ANKRD11: variants seen among roughly 807,000 people sequenced by gnomAD.
The protein encoded by ANKRD11 is ankyrin repeat domain-containing protein 11.
Under a neutral mutation model 195.7 loss-of-function variants are expected in ANKRD11, and 17 were observed. The observed-to-expected ratio is 0.09, with a 90% CI of 0.06 to 0.13. ANKRD11 has a LOEUF of 0.13. Ranked by LOEUF, ANKRD11 falls within the 10% of genes least tolerant of loss-of-function variation. The pLI is 1.00. For synonymous variants in ANKRD11, 1,953 were observed against 1,528.1 expected (o/e 1.28, Z -6.49); for missense variants, 3,735 against 3,566.1 (o/e 1.05, Z -1.21).
intron 1 of ANKRD11, among the ~76,000 whole-genome samples, chr16:89,488,845 G>A (rs1368287120): frequency 6.6e-6 from 1 of 152,114 alleles, no homozygotes; most frequent in Admixed American, 6.6e-5. Context: ...AAGAAAGCCT[G>A]AAATCTAATT....
intron 1 of ANKRD11, among the ~76,000 whole-genome samples, chr16:89,456,041 C>A (rs1011129040): frequency 6.6e-6 from 1 of 152,010 alleles, no homozygotes; most frequent in African/African-American, 2.4e-5. Context: ...GAGTTTGAGA[C>A]CAGCCTGGCC....
At chr16:89,392,849 C>T (rs563863133) in intron 2 of ANKRD11, among the ~76,000 whole-genome samples, 3 of 151,204 alleles carry the variant, frequency 2.0e-5, no homozygotes, top group African/African-American at 4.9e-5. Flanking sequence ...TACATTTAAC[C>T]GACTCCATCA....
chr16:89,360,927 C>T (rs533798232), intron 2 of ANKRD11, among the ~76,000 whole-genome samples: 2 of 152,170 alleles, frequency 1.3e-5, no homozygotes, highest in Non-Finnish European at 2.9e-5. Flanking sequence ...CTGCACTGAG[C>T]CTGTGTCGGG....
intron 1 of ANKRD11, among the ~76,000 whole-genome samples, chr16:89,418,836 C>G (rs1484370036): frequency 6.6e-6 from 1 of 151,384 alleles, no homozygotes; most frequent in Non-Finnish European, 1.5e-5. Context: ...GTGATCTCAG[C>G]TCACTGCAAC....
chr16:89,292,138 C>T (rs1263568252), intron 4 of ANKRD11, among the ~76,000 whole-genome samples: 1 of 152,182 alleles, frequency 6.6e-6, no homozygotes, highest in African/African-American at 2.4e-5. Flanking sequence ...AGCGCAGAGG[C>T]AAGGCTCTGC....
chr16:89,392,018 TCCTC>T (rs1292748576), intron 2 of ANKRD11, among the ~76,000 whole-genome samples: 7 of 152,302 alleles, frequency 4.6e-5, no homozygotes, highest in Admixed American at 2.0e-4. Flanking sequence ...ACAAATTACT[TCCTC>T]CTTCCTTTGT....
At chr16:89,374,756 C>T (rs2040347506) in intron 2 of ANKRD11, among the ~76,000 whole-genome samples, 2 of 152,218 alleles carry the variant, frequency 1.3e-5, no homozygotes, top group Admixed American at 6.5e-5. Context: ...AGCTGAAGAA[C>T]TCCATGATGA....
chr16:89,383,130 C>T (rs1018607512), intron 2 of ANKRD11, among the ~76,000 whole-genome samples: 9 of 152,336 alleles, frequency 5.9e-5, no homozygotes, highest in African/African-American at 1.2e-4. Flanking sequence ...CTGGCTCATG[C>T]GGACCCACAG....
chr16:89,416,709 T>C (rs138215783), intron 2 of ANKRD11, among the ~76,000 whole-genome samples: 19 of 151,370 alleles, frequency 1.3e-4, no homozygotes, highest in African/African-American at 3.9e-4. Flanking sequence ...GCAGGAGGAT[T>C]GCTTGAGAGC....
intron 2 of ANKRD11, among the ~76,000 whole-genome samples, chr16:89,339,280 T>G (rs2038538063): frequency 6.6e-6 from 1 of 152,254 alleles, no homozygotes; most frequent in Non-Finnish European, 1.5e-5. Flanking sequence ...TAGAACGACC[T>G]AGAGATGTCT....
chr16:89,470,912 G>C (rs951986492), intron 1 of ANKRD11, among the ~76,000 whole-genome samples: 1 of 152,188 alleles, frequency 6.6e-6, no homozygotes, highest in Non-Finnish European at 1.5e-5. Context: ...AGAGTGGTGT[G>C]AACCTGGGAG....
In ANKRD11 at chr16:89,448,797, GC is replaced by G. The variant is rs1267542005; in HGVS notation, c.-144-30430del. The stretch of plus-strand genomic sequence containing the variant: ...TCCTAGAAAAACCCTCACCAGCACC[GC>G]CCCGTCCACCGGAGCGCACGTGAGT... On this transcript the variant is annotated intron_variant, in intron 1 of 12. Coordinates refer to ENST00000301030, the MANE Select transcript of ANKRD11 (RefSeq NM_013275.6). Among the ~76,000 whole-genome samples the G allele has an allele frequency of 3.9e-5, 6 of 152,198 alleles. No individual in the cohort carries two copies. In the East Asian group the frequency reaches 1.2e-3, roughly 29 times the overall value.
chr16:89,305,368 A>G, intron 3 of ANKRD11, 24 bp from the exon 4 acceptor site: 2 of 1,613,796 alleles, frequency 1.2e-6, no homozygotes, highest in Non-Finnish European at 1.7e-6. Flanking sequence ...GGATGCTTTC[A>G]GTCGTGATGT....
intron 2 of ANKRD11, among the ~76,000 whole-genome samples, chr16:89,357,874 G>A (rs1294138909): frequency 6.6e-6 from 1 of 152,190 alleles, no homozygotes; most frequent in Non-Finnish European, 1.5e-5. Flanking sequence ...CCCCTTTCTG[G>A]GGACACCTTT....
intron 1 of ANKRD11, among the ~76,000 whole-genome samples, chr16:89,448,342 C>A (rs1245036885): frequency 1.3e-5 from 2 of 152,086 alleles, no homozygotes; most frequent in Non-Finnish European, 2.9e-5. Context: ...AATGGTGAAA[C>A]CTTTTCTCAA....
At chr16:89,361,472 A>G (rs1597786512) in intron 2 of ANKRD11, 1 of 152,244 alleles carries the variant, frequency 6.6e-6, no homozygotes, top group African/African-American at 2.4e-5. Context: ...GTGCCAGTCC[A>G]CCTGTTTATG....
intron 1 of ANKRD11, among the ~76,000 whole-genome samples, chr16:89,477,151 G>C (rs1263952402): frequency 6.6e-6 from 1 of 151,084 alleles, no homozygotes. Flanking sequence ...CAGAAAACAG[G>C]CACAATAGAA....
At chr16:89,308,413 T>C (rs753799179) in intron 3 of ANKRD11, among the ~76,000 whole-genome samples, 38 of 152,200 alleles carry the variant, frequency 2.5e-4, no homozygotes, top group Non-Finnish European at 5.0e-4. Context: ...GAAGGAACAC[T>C]GTCCCCAGGT....
chr16:89,275,285 C>G (rs1162126196), intron 9 of ANKRD11, 94 bp from the exon 10 acceptor site: 1 of 1,098,656 alleles, frequency 9.1e-7, no homozygotes, highest in Non-Finnish European at 1.3e-6. Flanking sequence ...GACTCAGCCT[C>G]CCCACTCCTA....
Sources: gnomAD v4.1 joint callset for allele counts (sites outside exome capture counted in the v4.1 genomes callset) on GRCh38, gnomAD v4.1.1 for gene constraint, MANE v1.5 for transcripts, NCBI Gene and HGNC (gene_info 2026-07-23, HGNC 2026-07-21) for gene names.